ORC5: variants seen among roughly 807,000 people sequenced by gnomAD.
The protein encoded by ORC5 is origin recognition complex subunit 5.
A neutral mutation model predicts 58.8 loss-of-function variants in ORC5; 39 were observed. That is an observed-to-expected ratio of 0.66 (90% CI 0.51 to 0.87). ORC5 has a LOEUF of 0.87. Among genes scored for constraint, ORC5 ranks in the 40% least tolerant of loss-of-function variants. The probability of loss-of-function intolerance (pLI) is 0.00; values close to 1 mark genes in which losing one functional copy is unlikely to be tolerated. For synonymous variants in ORC5, 218 were observed against 177.6 expected (o/e 1.23, Z -1.81); for missense variants, 493 against 506.3 (o/e 0.97, Z 0.25).
In ORC5 at chr7:104,161,712, T is replaced by C. The variant is rs556754432; in HGVS notation, c.1039-530A>G. Among the ~76,000 whole-genome samples, 324 of 152,300 alleles carry C rather than the reference T, an allele frequency of 2.1e-3. 2 individuals are homozygous for C. Among genetic ancestry groups the C allele is most frequent in the South Asian group, 2.3e-3 (11 of 4,818 alleles). ...CCCAGCCATGATTTATCTTTTAACATATTCCTCAAGATTTCTGACTTAGTA... is the reference window on the plus strand; with the variant it reads ...CCCAGCCATGATTTATCTTTTAACACATTCCTCAAGATTTCTGACTTAGTA... On this transcript the variant is annotated intron_variant, in intron 11 of 13. Coordinates refer to ENST00000297431, the MANE Select transcript of ORC5 (RefSeq NM_002553.4).
intron 6 of ORC5, 56 bp downstream of exon 6, chr7:104,188,195 T>C (rs965418308): frequency 8.8e-6 from 9 of 1,016,972 alleles, no homozygotes; most frequent in East Asian, 2.7e-5. Context: ...CATATATGTA[T>C]ACACACACAC....
At chr7:104,141,274 T>C (rs1410091695) in intron 12 of ORC5, among the ~76,000 whole-genome samples, 2 of 152,198 alleles carry the variant, frequency 1.3e-5, no homozygotes, top group Non-Finnish European at 2.9e-5. Flanking sequence ...ATCTGGTATA[T>C]GCTACAAATT....
Position 104,162,738 on chromosome 7 carries a change from A to C in ORC5, c.1039-1556T>G, listed in dbSNP as rs531893372. 3.3e-5 allele frequency among the ~76,000 whole-genome samples: 5 copies of C among 152,368 alleles called. No homozygotes were observed. In the South Asian group the frequency reaches 1.0e-3, roughly 32 times the overall value. On this transcript the variant is annotated intron_variant, in intron 11 of 13. Transcript: ENST00000297431. Reference sequence around the variant, plus strand: ...TCAATTTTATCAAATATACTGTGCAATAAGTGCAGAGAAACAAAACATTAG... The same window carrying C: ...TCAATTTTATCAAATATACTGTGCACTAAGTGCAGAGAAACAAAACATTAG...
intron 3 of ORC5, among the ~76,000 whole-genome samples, chr7:104,200,222 A>G (rs1799905842): frequency 6.6e-6 from 1 of 152,188 alleles, no homozygotes; most frequent in African/African-American, 2.4e-5. Flanking sequence ...AGTCTTTACT[A>G]TCTCCTATCC....
At chr7:104,149,011 G>T (rs1460087268) in intron 12 of ORC5, among the ~76,000 whole-genome samples, 1 of 150,260 alleles carries the variant, frequency 6.7e-6, no homozygotes, top group Admixed American at 6.7e-5. Context: ...TCCCACCTGG[G>T]CGACAGAGTA....
intron 6 of ORC5, among the ~76,000 whole-genome samples, chr7:104,186,905 A>G (rs2115993993): frequency 6.6e-6 from 1 of 152,322 alleles, no homozygotes; most frequent in African/African-American, 2.4e-5. Context: ...CTCACCCTAA[A>G]TAAAATCATT....
chr7:104,143,047 A>C (rs1798699637), intron 12 of ORC5, among the ~76,000 whole-genome samples: 1 of 152,210 alleles, frequency 6.6e-6, no homozygotes, highest in Non-Finnish European at 1.5e-5. Flanking sequence ...TATTAACTTC[A>C]ACCCTTTCTA....
At chr7:104,181,364 A>AT (rs1799426970) in intron 8 of ORC5, among the ~76,000 whole-genome samples, 1 of 151,898 alleles carries the variant, frequency 6.6e-6, no homozygotes, top group African/African-American at 2.4e-5. Flanking sequence ...ATTCATGGGT[A>AT]TTTTTTTTCT....
At chr7:104,175,049 C>G (rs78122523) in intron 8 of ORC5, among the ~76,000 whole-genome samples, 12 of 152,310 alleles carry the variant, frequency 7.9e-5, no homozygotes, top group African/African-American at 2.6e-4. Context: ...AGTGTACTTT[C>G]CTTCCTTTTG....
chr7:104,154,500 A>G (rs1798893286), intron 12 of ORC5, among the ~76,000 whole-genome samples: 1 of 151,970 alleles, frequency 6.6e-6, no homozygotes, highest in Admixed American at 6.6e-5. Context: ...ACATATATAC[A>G]CCATTAACTC....
intron 13 of ORC5, among the ~76,000 whole-genome samples, chr7:104,132,925 G>A (rs981224759): frequency 9.2e-5 from 14 of 152,098 alleles, no homozygotes; most frequent in African/African-American, 3.1e-4. Context: ...TTATGTAGCA[G>A]TTAGCTAGGT....
chr7:104,173,674 TTTTCTGGCAATCCC>T (rs1379683378), intron 8 of ORC5, among the ~76,000 whole-genome samples: 1 of 152,160 alleles, frequency 6.6e-6, no homozygotes, highest in Non-Finnish European at 1.5e-5. Flanking sequence ...ACTTTTTGCC[TTTTCTGGCAATCCC>T]TTTCTGGTAA....
At chr7:104,178,216 A>C (rs1799361847) in intron 8 of ORC5, among the ~76,000 whole-genome samples, 1 of 152,208 alleles carries the variant, frequency 6.6e-6, no homozygotes, top group African/African-American at 2.4e-5. Flanking sequence ...ATTTCTCCAC[A>C]GCCTCACCAG....
intron 11 of ORC5, among the ~76,000 whole-genome samples, chr7:104,161,998 A>C (rs1305921511): frequency 6.6e-6 from 1 of 152,194 alleles, no homozygotes; most frequent in Non-Finnish European, 1.5e-5. Flanking sequence ...CTAATAAAAT[A>C]TTTTATAAAG....
intron 13 of ORC5, among the ~76,000 whole-genome samples, chr7:104,127,122 A>G (rs1359752951): frequency 1.3e-5 from 2 of 152,202 alleles, no homozygotes; most frequent in Non-Finnish European, 2.9e-5. Flanking sequence ...TTTCTAAAAA[A>G]AAGTAAACGA....
rs10233580 is a variant in ORC5 at position 104,173,952 on chromosome 7, A to G, written c.825-5427T>C. On this transcript the variant is annotated intron_variant, in intron 8 of 13. Coordinates refer to ENST00000297431, the MANE Select transcript of ORC5 (RefSeq NM_002553.4). The stretch of plus-strand genomic sequence containing the variant: ...CTCCGCCTCCCGGGTTCACGCCATT[A>G]TCCTGCCTCAGCCTCCCAAGTAGCT... Among the ~76,000 whole-genome samples the G allele has an allele frequency of 9.5e-3, 1,357 of 143,216 alleles. 23 individuals are homozygous for G. Among genetic ancestry groups the G allele is most frequent in the African/African-American group, 0.033 (1,296 of 39,072 alleles). 94.0% of individuals were successfully genotyped at this position (143,216 alleles called of 152,430 possible).
intron 5 of ORC5, among the ~76,000 whole-genome samples, chr7:104,192,931 C>T (rs1444464347): frequency 2.0e-5 from 3 of 148,924 alleles, no homozygotes; most frequent in African/African-American, 4.9e-5. Context: ...AAATAAAACA[C>T]ACACACACAC....
chr7:104,168,510 CT>C lies in ORC5; in HGVS notation c.839del (p.Lys280SerfsTer12). 1.3e-6 allele frequency: 2 copies of C among 1,570,384 alleles called. No homozygotes were observed. Among genetic ancestry groups the C allele is most frequent in the African/African-American group, 1.4e-5 (1 of 73,396 alleles). ...CCGGATCTGTGTCATCTTTCTGTAGCTTTTCCCACTGGGAACTGAAAAAAAA... is the reference window on the plus strand; with the variant it reads ...CCGGATCTGTGTCATCTTTCTGTAGCTTTCCCACTGGGAACTGAAAAAAAA... ...LREISSSQWEKLQKDDTDPGQ... is the reference protein window; with the variant it reads ...LREISSSQWEXLQKDDTDPGQ... On this transcript the variant is annotated frameshift_variant, in exon 9 of 14. Coordinates refer to ENST00000297431, the MANE Select transcript of ORC5 (RefSeq NM_002553.4). LOFTEE classifies it high-confidence loss of function.
In ORC5 at chr7:104,207,990, A is replaced by G; in HGVS notation, c.-86T>C. The stretch of plus-strand genomic sequence containing the variant: ...GAGCCTCTCCCGAGTCTGGCGGCCC[A>G]CGCTCCCGCCGGAAACCGGACCCGC... On this transcript the variant is annotated 5_prime_UTR_variant, in exon 1 of 14. Coordinates refer to ENST00000297431, the MANE Select transcript of ORC5 (RefSeq NM_002553.4). 1.5e-6 allele frequency: 2 copies of G among 1,327,048 alleles called. No individual in the cohort carries two copies. The highest frequency in any genetic ancestry group is 2.1e-6 in the Non-Finnish European group (2 of 931,994). 82.2% of individuals were successfully genotyped at this position (1,327,048 alleles called of 1,614,324 possible). A position where few individuals can be genotyped will look rare whatever the true frequency, so the allele number is the denominator to read the frequency against.
Sources: allele counts gnomAD v4.1 joint callset (sites outside exome capture counted in the v4.1 genomes callset), GRCh38; gene constraint gnomAD v4.1.1; transcripts MANE v1.5; gene names NCBI Gene and HGNC (gene_info 2026-07-23, HGNC 2026-07-21).